Variants in DPYSL3 observed in about 807,000 individuals in gnomAD.
DPYSL3 encodes dihydropyrimidinase like 3, also known as dihydropyrimidinase-related protein 3.
In DPYSL3, 16 loss-of-function variants were observed where a neutral mutation model predicts 66.1. The observed-to-expected ratio is 0.24, with a 90% CI of 0.16 to 0.37. The LOEUF is 0.37. Among genes scored for constraint, DPYSL3 ranks in the 10% least tolerant of loss-of-function variants. DPYSL3 has a pLI of 1.00. For synonymous variants in DPYSL3, 338 were observed against 345.1 expected (o/e 0.98, Z 0.23); for missense variants, 738 against 916.2 (o/e 0.81, Z 2.51).
intron 1 of DPYSL3, among the ~76,000 whole-genome samples, chr5:147,471,984 C>T (rs763765839): frequency 2.6e-5 from 4 of 152,170 alleles, no homozygotes; most frequent in Admixed American, 6.5e-5. Context: ...TCTGTTTACA[C>T]GAGCTTCATT....
intron 1 of DPYSL3, among the ~76,000 whole-genome samples, chr5:147,500,352 G>A (rs939022165): frequency 9.2e-5 from 14 of 152,116 alleles, no homozygotes; most frequent in Admixed American, 5.9e-4. Context: ...GGTGGCTCAC[G>A]CCTGTAATCC....
At position 147,391,203 on chromosome 5, in the gene DPYSL3, G is replaced by C. The variant is rs918909282; in HGVS notation, c.*2832C>G. On this transcript the variant is annotated 3_prime_UTR_variant, in exon 14 of 14. Transcript: ENST00000343218. ...AGGGATGAGTGAAAATCCAGGCTCA[G>C]GTGTCAGCCCTTTGTGGAAACATGA... is the stretch of plus-strand genomic sequence containing the variant. 4.6e-5 allele frequency: 7 copies of C among 152,548 alleles called. No homozygotes were observed. Among genetic ancestry groups the C allele is most frequent in the African/African-American group, 1.4e-4 (6 of 41,448 alleles). The allele number at this position is 152,548 out of a possible 1,614,324, so 9.4% of individuals were successfully genotyped here. A position where few individuals can be genotyped will look rare whatever the true frequency, so the allele number is the denominator to read the frequency against.
intron 1 of DPYSL3, among the ~76,000 whole-genome samples, chr5:147,480,703 ATATTATTATTAT>A (rs10665228): frequency 2.5e-4 from 36 of 142,464 alleles, no homozygotes; most frequent in Middle Eastern, 3.7e-3. Flanking sequence ...GAATATATAT[ATATTATTATTAT>A]TATTATTATT....
chr5:147,399,984 A>G (rs1429006749), intron 10 of DPYSL3, among the ~76,000 whole-genome samples: 3 of 152,342 alleles, frequency 2.0e-5, no homozygotes, highest in Admixed American at 6.5e-5. Context: ...AGCAAAGAAG[A>G]AAAAGAAAAC....
chr5:147,490,341 A>C (rs905206598), intron 1 of DPYSL3, among the ~76,000 whole-genome samples: 2 of 152,240 alleles, frequency 1.3e-5, no homozygotes, highest in African/African-American at 2.4e-5. Flanking sequence ...AAGGTTTACC[A>C]CCTTCTTGCT....
chr5:147,466,764 GTGT>G (rs1452142371), intron 1 of DPYSL3, among the ~76,000 whole-genome samples: 3 of 152,172 alleles, frequency 2.0e-5, no homozygotes, highest in African/African-American at 7.2e-5. Context: ...GACTTTGGCT[GTGT>G]TGTTTGTGTT....
intron 1 of DPYSL3, among the ~76,000 whole-genome samples, chr5:147,503,915 T>G (rs749754720): frequency 2.0e-5 from 3 of 152,236 alleles, no homozygotes; most frequent in Non-Finnish European, 2.9e-5. Context: ...CCTAATATGT[T>G]CTTTGATGGA....
intron 6 of DPYSL3, among the ~76,000 whole-genome samples, chr5:147,410,428 C>T (rs1239967840): frequency 1.3e-5 from 2 of 152,232 alleles, no homozygotes; most frequent in East Asian, 3.9e-4. Context: ...GTCCCTATAG[C>T]TGAGAGATTA....
At chr5:147,458,931 TAAGTC>T (rs769372502) in intron 1 of DPYSL3, among the ~76,000 whole-genome samples, 19 of 152,126 alleles carry the variant, frequency 1.2e-4, no homozygotes, top group East Asian at 1.9e-4. Context: ...ATAAAGCTCT[TAAGTC>T]AAGTTAATTA....
At chr5:147,487,853 C>T (rs557754913) in intron 1 of DPYSL3, among the ~76,000 whole-genome samples, 33 of 152,266 alleles carry the variant, frequency 2.2e-4, no homozygotes, top group African/African-American at 4.8e-4. Flanking sequence ...AAATCCCTCA[C>T]GCCCATTTTG....
At chr5:147,433,092 T>C (rs1286310630) in intron 1 of DPYSL3, among the ~76,000 whole-genome samples, 2 of 152,214 alleles carry the variant, frequency 1.3e-5, no homozygotes, top group Non-Finnish European at 2.9e-5. Context: ...TGTGATTCCA[T>C]GTTATTTAAT....
At chr5:147,453,475 C>T in intron 1 of DPYSL3, 3 of 1,485,350 alleles carry the variant, frequency 2.0e-6, no homozygotes, top group Admixed American at 2.2e-5. Context: ...CGGCGGGATC[C>T]GAGCCGACCC....
At chr5:147,453,836 G>C in intron 1 of DPYSL3, 2 of 995,696 alleles carry the variant, frequency 2.0e-6, no homozygotes, top group African/African-American at 2.5e-5. Context: ...CCGCGTTCAC[G>C]CCCGGGTTTT....
At chr5:147,443,427 C>T (rs1752571140) in intron 1 of DPYSL3, among the ~76,000 whole-genome samples, 1 of 151,964 alleles carries the variant, frequency 6.6e-6, no homozygotes, top group Non-Finnish European at 1.5e-5. Context: ...GAGAGTTGAA[C>T]ATTGAGAACA....
chr5:147,472,708 T>A (rs1753102715), intron 1 of DPYSL3: 1 of 152,234 alleles, frequency 6.6e-6, no homozygotes, highest in Admixed American at 6.5e-5. Flanking sequence ...TTTCTCCAGA[T>A]GCATGTTTTC....
intron 1 of DPYSL3, among the ~76,000 whole-genome samples, chr5:147,485,467 A>G (rs540091556): frequency 6.6e-6 from 1 of 152,296 alleles, no homozygotes. Flanking sequence ...TTTCCATCAT[A>G]TGAATATGAC....
At chr5:147,411,221 A>G (rs1421877260) in intron 6 of DPYSL3, among the ~76,000 whole-genome samples, 1 of 152,176 alleles carries the variant, frequency 6.6e-6, no homozygotes, top group East Asian at 1.9e-4. Flanking sequence ...GTGTGGTGGA[A>G]GTGGGCGAAA....
At chr5:147,492,037 A>G (rs1204092195) in intron 1 of DPYSL3, among the ~76,000 whole-genome samples, 1 of 152,120 alleles carries the variant, frequency 6.6e-6, no homozygotes, top group Non-Finnish European at 1.5e-5. Flanking sequence ...TTGAAAATCT[A>G]AAAGAAGCCA....
intron 1 of DPYSL3, among the ~76,000 whole-genome samples, chr5:147,503,357 A>C (rs1010285184): frequency 6.6e-6 from 1 of 152,198 alleles, no homozygotes; most frequent in Non-Finnish European, 1.5e-5. Flanking sequence ...CGCCTCTTCC[A>C]GTCATGGCTG....
Sources: allele counts gnomAD v4.1 joint callset (sites outside exome capture counted in the v4.1 genomes callset), GRCh38; gene constraint gnomAD v4.1.1; transcripts MANE v1.5; gene names NCBI Gene and HGNC (gene_info 2026-07-23, HGNC 2026-07-21).